Variants in CACNA2D1 observed in about 807,000 individuals in gnomAD.
CACNA2D1 encodes voltage-dependent calcium channel subunit alpha-2/delta-1.
Under a neutral mutation model 171.5 loss-of-function variants are expected in CACNA2D1, and 53 were observed. That is an observed-to-expected ratio of 0.31 (90% confidence interval 0.25 to 0.39). CACNA2D1 has a LOEUF of 0.39. Ranked by LOEUF, CACNA2D1 falls within the 10% of genes least tolerant of loss-of-function variation. The pLI is 1.00. For synonymous variants in CACNA2D1, 442 were observed against 443.1 expected, an observed-to-expected ratio of 1.00 and a Z score of 0.03; for missense variants, 903 against 1,299.8, an observed-to-expected ratio of 0.69 and a Z score of 4.69.
intron 24 of CACNA2D1, among the ~76,000 whole-genome samples, chr7:81,979,568 C>G (rs568977146): frequency 1.1e-3 from 170 of 152,246 alleles, no homozygotes; most frequent in African/African-American, 4.0e-3. Flanking sequence ...GATGGAGAGT[C>G]TTGCCAACAT....
chr7:82,288,402 GAT>G (rs1260544124), intron 3 of CACNA2D1, among the ~76,000 whole-genome samples: 1 of 142,724 alleles, frequency 7.0e-6, no homozygotes, highest in Non-Finnish European at 1.5e-5. Context: ...CACATTAAAA[GAT>G]GTATTATTTT....
intron 3 of CACNA2D1, among the ~76,000 whole-genome samples, chr7:82,326,512 T>C (rs1182775785): frequency 6.6e-6 from 1 of 152,148 alleles, no homozygotes; most frequent in Non-Finnish European, 1.5e-5. Context: ...AGAACAGAAA[T>C]AGTGTTAGAA....
chr7:82,122,492 G>A (rs78426762), intron 5 of CACNA2D1, among the ~76,000 whole-genome samples: 3,662 of 152,236 alleles, frequency 0.024, 138 homozygotes, highest in African/African-American at 0.083. Context: ...GGAGTAAGGC[G>A]AGCCATTAGC....
chr7:82,049,647 A>G (rs1562923845), intron 10 of CACNA2D1, among the ~76,000 whole-genome samples: 1 of 152,320 alleles, frequency 6.6e-6, no homozygotes, highest in East Asian at 1.9e-4. Flanking sequence ...TTCCAAATGC[A>G]GATGTTCTCC....
At chr7:82,308,107 C>T (rs1245393815) in intron 3 of CACNA2D1, among the ~76,000 whole-genome samples, 1 of 152,076 alleles carries the variant, frequency 6.6e-6, no homozygotes, top group Non-Finnish European at 1.5e-5. Context: ...AAAGAAAAAA[C>T]TAAAACTTCA....
intron 11 of CACNA2D1, among the ~76,000 whole-genome samples, chr7:82,035,281 G>A (rs921090770): frequency 6.6e-6 from 1 of 151,610 alleles, no homozygotes; most frequent in Non-Finnish European, 1.5e-5. Context: ...TTTACTTTGG[G>A]ACTGATATGT....
intron 12 of CACNA2D1, among the ~76,000 whole-genome samples, chr7:82,021,408 T>TA (rs1562881008): frequency 6.6e-6 from 1 of 152,120 alleles, no homozygotes; most frequent in African/African-American, 2.4e-5. Context: ...AGAACATCTA[T>TA]AACAGTTTTA....
At chr7:82,439,725 A>T (rs1320255242) in intron 1 of CACNA2D1, among the ~76,000 whole-genome samples, 2 of 151,436 alleles carry the variant, frequency 1.3e-5, no homozygotes, top group African/African-American at 4.8e-5. Flanking sequence ...ACGTGGAAAA[A>T]TATATCTATT....
At chr7:82,261,983 T>C (rs1488559533) in intron 3 of CACNA2D1, among the ~76,000 whole-genome samples, 1 of 152,166 alleles carries the variant, frequency 6.6e-6, no homozygotes, top group Non-Finnish European at 1.5e-5. Flanking sequence ...TTATTATTAT[T>C]TTATCATGTA....
At chr7:82,341,946 T>C (rs1360765082) in intron 2 of CACNA2D1, among the ~76,000 whole-genome samples, 1 of 146,478 alleles carries the variant, frequency 6.8e-6, no homozygotes, top group Admixed American at 7.2e-5. Flanking sequence ...CCCAGCTATC[T>C]GGGAGGCTGA....
intron 38 of CACNA2D1, among the ~76,000 whole-genome samples, chr7:81,958,501 A>AGCT (rs1793705106): frequency 6.6e-6 from 1 of 151,992 alleles, no homozygotes; most frequent in Non-Finnish European, 1.5e-5. Flanking sequence ...AGAATAGATT[A>AGCT]ATATTTCTTA....
intron 22 of CACNA2D1, among the ~76,000 whole-genome samples, chr7:81,984,016 T>G (rs577618718): frequency 6.6e-6 from 1 of 152,198 alleles, no homozygotes; most frequent in South Asian, 2.1e-4. Context: ...AACAATAACT[T>G]GAAGTATGCA....
At position 81,950,257 on chromosome 7, in the gene CACNA2D1, A is replaced by G; in HGVS notation, c.*135T>C. The G allele has an allele frequency of 6.5e-7, 1 of 1,531,834 alleles. No homozygotes were observed. The allele number at this position is 1,531,834 out of a possible 1,614,324, so 94.9% of individuals were successfully genotyped here. ...TGGGTGCCTTAGGAGTCTGCGCCTT[A>G]GTGTTATGCCATGGAACAGGCCCAG... On this transcript the variant is annotated 3_prime_UTR_variant, in exon 39 of 39. Transcript: ENST00000356860.
At chr7:82,259,651 G>A (rs747361187) in intron 3 of CACNA2D1, among the ~76,000 whole-genome samples, 1 of 152,162 alleles carries the variant, frequency 6.6e-6, no homozygotes, top group African/African-American at 2.4e-5. Flanking sequence ...GAAGGATAAA[G>A]CTCTGCAAAA....
intron 24 of CACNA2D1, among the ~76,000 whole-genome samples, chr7:81,980,016 G>T (rs932245376): frequency 6.6e-6 from 1 of 151,714 alleles, no homozygotes; most frequent in Admixed American, 6.6e-5. Context: ...AGTCAGGAAG[G>T]ATGCGTATAC....
In CACNA2D1 at chr7:81,946,623, T is replaced by C. The variant is rs1792070978; in HGVS notation, c.*3769A>G. ...AGAACAAAATAAAGGGGAGAAAAGATCTATTGTTCACAAAAGCCAGTTGGC... is the reference window on the plus strand; with the variant it reads ...AGAACAAAATAAAGGGGAGAAAAGACCTATTGTTCACAAAAGCCAGTTGGC... On this transcript the variant is annotated 3_prime_UTR_variant, in exon 39 of 39. Coordinates refer to ENST00000356860, the MANE Select transcript of CACNA2D1 (RefSeq NM_000722.4). The C allele has an allele frequency of 6.6e-6, 1 of 152,112 alleles. No homozygotes were observed. Among genetic ancestry groups the C allele is most frequent in the Non-Finnish European group, 1.5e-5 (1 of 68,008 alleles). The allele number at this position is 152,112 out of a possible 1,614,324, so 9.4% of individuals were successfully genotyped here. A position where few individuals can be genotyped will look rare whatever the true frequency, so the allele number is the denominator to read the frequency against.
At chr7:82,295,235 G>A (rs1563325090) in intron 3 of CACNA2D1, among the ~76,000 whole-genome samples, 2 of 151,230 alleles carry the variant, frequency 1.3e-5, no homozygotes, top group African/African-American at 4.9e-5. Flanking sequence ...TGATCAAAAG[G>A]TATAAAATTT....
chr7:82,036,632 C>T (rs1803316696), intron 11 of CACNA2D1, among the ~76,000 whole-genome samples: 1 of 152,144 alleles, frequency 6.6e-6, no homozygotes, highest in African/African-American at 2.4e-5. Context: ...ATTTAGCACT[C>T]AGAGCAGCTG....
intron 3 of CACNA2D1, among the ~76,000 whole-genome samples, chr7:82,198,763 T>C (rs1799101433): frequency 6.6e-6 from 1 of 151,746 alleles, no homozygotes; most frequent in African/African-American, 2.4e-5. Flanking sequence ...AAAACCTTAA[T>C]CCTCTACTCT....
Sources: allele counts gnomAD v4.1 joint callset (sites outside exome capture counted in the v4.1 genomes callset), GRCh38; gene constraint gnomAD v4.1.1; transcripts MANE v1.5; gene names NCBI Gene and HGNC (gene_info 2026-07-23, HGNC 2026-07-21).